Variants in MAST2 observed in about 807,000 individuals in gnomAD.
MAST2 encodes microtubule associated serine/threonine kinase 2.
Under a neutral mutation model 147.4 loss-of-function variants are expected in MAST2, and 70 were observed. The ratio of observed to expected loss-of-function variants is 0.47; its 90% CI spans 0.39 to 0.58. The LOEUF (loss-of-function observed/expected upper bound fraction) is 0.58. Among genes scored for constraint, MAST2 ranks in the 20% least tolerant of loss-of-function variants. MAST2 has a pLI of 0.00. For missense variants in MAST2, 2,080 were observed against 2,302.3 expected (o/e 0.90, Z 1.98); for synonymous variants, 869 against 896.8 (o/e 0.97, Z 0.55).
intron 4 of MAST2, among the ~76,000 whole-genome samples, chr1:45,931,577 C>A (rs920894974): frequency 6.6e-6 from 1 of 151,864 alleles, no homozygotes; most frequent in East Asian, 1.9e-4. Flanking sequence ...GCAACCTCCA[C>A]CTCCCGGGTT....
At chr1:45,896,503 T>G (rs2148444287) in intron 4 of MAST2, among the ~76,000 whole-genome samples, 1 of 152,268 alleles carries the variant, frequency 6.6e-6, no homozygotes, top group Non-Finnish European at 1.5e-5. Context: ...CACTGAACCC[T>G]GTCCTCTTGG....
At chr1:45,886,559 C>T (rs1449423559) in intron 4 of MAST2, among the ~76,000 whole-genome samples, 1 of 151,938 alleles carries the variant, frequency 6.6e-6, no homozygotes, top group East Asian at 1.9e-4. Flanking sequence ...TATTTAAACC[C>T]ATCTGGGTAT....
chr1:45,819,532 C>T (rs994854877), intron 1 of MAST2, among the ~76,000 whole-genome samples: 1 of 152,048 alleles, frequency 6.6e-6, no homozygotes, highest in Non-Finnish European at 1.5e-5. Context: ...AGTCAACACA[C>T]AGAGATCAGT....
chr1:45,984,842 G>A (rs1644550052), intron 5 of MAST2, among the ~76,000 whole-genome samples: 1 of 151,952 alleles, frequency 6.6e-6, no homozygotes, highest in Non-Finnish European at 1.5e-5. Context: ...GGCAGAGCAA[G>A]ACCCTGTCTC....
At chr1:45,965,454 A>G (rs778148364) in intron 5 of MAST2, among the ~76,000 whole-genome samples, 1 of 152,112 alleles carries the variant, frequency 6.6e-6, no homozygotes, top group Non-Finnish European at 1.5e-5. Flanking sequence ...CTTCTTGTTG[A>G]ATTGATCCCT....
At chr1:45,880,812 C>T (rs1646810816) in intron 3 of MAST2, among the ~76,000 whole-genome samples, 1 of 151,750 alleles carries the variant, frequency 6.6e-6, no homozygotes, top group African/African-American at 2.4e-5. Flanking sequence ...GAACCCCTGT[C>T]TCTACTAAAA....
intron 16 of MAST2, among the ~76,000 whole-genome samples, chr1:46,026,353 G>C (rs1646409569): frequency 6.6e-6 from 1 of 152,214 alleles, no homozygotes; most frequent in Non-Finnish European, 1.5e-5. Context: ...ACTACAAATA[G>C]TGCAATATGG....
chr1:46,029,988 C>T (rs1410761762), intron 20 of MAST2, 35 bp downstream of exon 20: 1 of 1,612,596 alleles, frequency 6.2e-7, no homozygotes, highest in Admixed American at 1.7e-5. Context: ...GAGGATGGGT[C>T]CTACCTGTTT....
chr1:46,022,793 A>C (rs1646242448), intron 12 of MAST2, 117 bp from the exon 13 acceptor site: 1 of 784,478 alleles, frequency 1.3e-6, no homozygotes, highest in Non-Finnish European at 2.3e-6. Context: ...TTCACATCCT[A>C]GGCTGATGCA....
intron 5 of MAST2, among the ~76,000 whole-genome samples, chr1:45,963,416 G>A (rs997698763): frequency 2.0e-5 from 3 of 152,128 alleles, no homozygotes; most frequent in Non-Finnish European, 4.4e-5. Context: ...TTTTCCATTT[G>A]TTTGTGTCCT....
At chr1:46,011,504 A>G (rs771347307) in intron 10 of MAST2, among the ~76,000 whole-genome samples, 6 of 152,224 alleles carry the variant, frequency 3.9e-5, no homozygotes, top group African/African-American at 1.4e-4. Context: ...ACCAAAGCAC[A>G]TGAGAGTTCT....
chr1:45,839,635 C>G (rs907411396), intron 3 of MAST2, among the ~76,000 whole-genome samples: 1 of 152,092 alleles, frequency 6.6e-6, no homozygotes, highest in Non-Finnish European at 1.5e-5. Context: ...TTAATGCAGT[C>G]CCGATCAAAA....
chr1:45,839,938 C>T (rs1645222489), intron 3 of MAST2, among the ~76,000 whole-genome samples: 1 of 152,184 alleles, frequency 6.6e-6, no homozygotes, highest in African/African-American at 2.4e-5. Context: ...ATATCAACCT[C>T]TATACTTACC....
intron 4 of MAST2, among the ~76,000 whole-genome samples, chr1:45,892,028 AG>A (rs1557874735): frequency 2.6e-5 from 4 of 152,194 alleles, no homozygotes. Context: ...CAGTTTTCCC[AG>A]GAAGGTTTTG....
chr1:45,838,826 A>G (rs908517027), intron 3 of MAST2, among the ~76,000 whole-genome samples: 3 of 152,230 alleles, frequency 2.0e-5, no homozygotes, highest in African/African-American at 7.2e-5. Flanking sequence ...GCAATAGTTT[A>G]AAATATGAAC....
At chr1:45,887,746 A>G (rs1006013675) in intron 4 of MAST2, among the ~76,000 whole-genome samples, 4 of 152,238 alleles carry the variant, frequency 2.6e-5, no homozygotes, top group African/African-American at 4.8e-5. Flanking sequence ...GGCGTCTGAT[A>G]TAGGGCTTTA....
At chr1:45,831,009 G>A (rs1487244125) in intron 3 of MAST2, among the ~76,000 whole-genome samples, 15 of 145,918 alleles carry the variant, frequency 1.0e-4, no homozygotes, top group Admixed American at 9.7e-4. Context: ...ACACTCTGGC[G>A]ACAGAGTGAG....
chr1:45,946,832 G>A (rs1658106123), intron 4 of MAST2, among the ~76,000 whole-genome samples: 1 of 152,108 alleles, frequency 6.6e-6, no homozygotes. Context: ...ACTTTGGTGG[G>A]AGCATACTGT....
At chr1:45,924,000 T>C (rs753960675) in intron 4 of MAST2, among the ~76,000 whole-genome samples, 1 of 152,140 alleles carries the variant, frequency 6.6e-6, no homozygotes, top group Non-Finnish European at 1.5e-5. Context: ...GCCTCCCCAG[T>C]AGCTGGGATT....
Sources: gnomAD v4.1 joint callset for allele counts (sites outside exome capture counted in the v4.1 genomes callset) on GRCh38, gnomAD v4.1.1 for gene constraint, MANE v1.5 for transcripts, NCBI Gene and HGNC (gene_info 2026-07-23, HGNC 2026-07-21) for gene names.